Variants in SGCZ observed in about 807,000 individuals in gnomAD.
SGCZ encodes the protein sarcoglycan zeta, also known as zeta-sarcoglycan.
Under a neutral mutation model 41.3 loss-of-function variants are expected in SGCZ, and 40 were observed. The observed-to-expected ratio is 0.97, with a 90% CI of 0.75 to 1.26. SGCZ has a LOEUF of 1.26. SGCZ is among the 50% of genes most tolerant of loss of function. The pLI is 0.00. For synonymous variants in SGCZ, 206 were observed against 137.5 expected (o/e 1.50, Z -3.49); for missense variants, 552 against 369.8 (o/e 1.49, Z -4.04).
chr8:14,854,830 G>A (rs1338741022), intron 1 of SGCZ, among the ~76,000 whole-genome samples: 6 of 151,940 alleles, frequency 3.9e-5, no homozygotes, highest in South Asian at 4.2e-4. Flanking sequence ...AAACCCGGCA[G>A]AGAGTGGCCC....
intron 2 of SGCZ, among the ~76,000 whole-genome samples, chr8:14,341,361 A>G (rs932144019): frequency 6.6e-6 from 1 of 152,194 alleles, no homozygotes; most frequent in Non-Finnish European, 1.5e-5. Flanking sequence ...TATTTTCACA[A>G]TGCTTGTACC....
chr8:15,208,383 T>C (rs1801136902), intron 1 of SGCZ, among the ~76,000 whole-genome samples: 1 of 152,356 alleles, frequency 6.6e-6, no homozygotes, highest in Admixed American at 6.5e-5. Context: ...TAATCTGTTC[T>C]AATGACTCTT....
intron 4 of SGCZ, among the ~76,000 whole-genome samples, chr8:14,208,556 T>C (rs1334956539): frequency 2.6e-5 from 4 of 152,146 alleles, no homozygotes; most frequent in Non-Finnish European, 5.9e-5. Flanking sequence ...TCCTATCAAA[T>C]TGTCAAAGTG....
At chr8:15,065,716 G>A (rs59207607) in intron 1 of SGCZ, among the ~76,000 whole-genome samples, 1,770 of 152,072 alleles carry the variant, frequency 0.012, 27 homozygotes, top group African/African-American at 0.04. Flanking sequence ...TGGGATCACA[G>A]GTATACACAC....
In SGCZ at chr8:14,415,432, G is replaced by T. The variant is rs117473381; in HGVS notation, c.235-91228C>A. On this transcript the variant is annotated intron_variant, in intron 2 of 7. Coordinates refer to ENST00000382080, the MANE Select transcript of SGCZ (RefSeq NM_139167.4). ...ATGCTCCTACAAAAAGGGAATTAGT[G>T]TGAATGATGAATGCATATTTTAATA... 6.2e-3 allele frequency among the ~76,000 whole-genome samples: 940 copies of T among 151,984 alleles called. 8 individuals are homozygous for T. Among genetic ancestry groups the T allele is most frequent in the South Asian group, 0.037 (178 of 4,822 alleles).
intron 1 of SGCZ, among the ~76,000 whole-genome samples, chr8:14,601,056 G>C (rs1805575004): frequency 6.7e-6 from 1 of 149,378 alleles, no homozygotes; most frequent in Non-Finnish European, 1.5e-5. Context: ...TTTTATATAA[G>C]TATAAAATTA....
chr8:14,239,880 C>A (rs4567039), intron 3 of SGCZ, among the ~76,000 whole-genome samples: 77,915 of 115,044 alleles, frequency 0.68, 26,456 homozygotes, highest in South Asian at 0.79. Flanking sequence ...CCAGCCTGGG[C>A]GACAGAGCGA....
rs920327038 is a variant in SGCZ at position 14,932,845 on chromosome 8, A to G, written c.39+304740T>C. On this transcript the variant is annotated intron_variant, in intron 1 of 7. Transcript: ENST00000382080. Reference sequence around the variant, plus strand: ...TTGAACTAAAACAAGAAAAAATGTCAAAGTCCAAAAGTGTGATGTGAAAAC... The same window carrying G: ...TTGAACTAAAACAAGAAAAAATGTCGAAGTCCAAAAGTGTGATGTGAAAAC... Among the ~76,000 whole-genome samples, 12 of 152,086 alleles carry G rather than the reference A, an allele frequency of 7.9e-5. 1 individual carries two copies. The highest frequency in any genetic ancestry group is 2.7e-4 in the African/African-American group (11 of 41,340).
At chr8:14,850,776 A>G (rs1173597212) in intron 1 of SGCZ, among the ~76,000 whole-genome samples, 1 of 152,140 alleles carries the variant, frequency 6.6e-6, no homozygotes, top group Non-Finnish European at 1.5e-5. Flanking sequence ...TGTTCTCATG[A>G]TAGTGAGTGA....
chr8:14,158,454 G>A (rs1009860782), intron 5 of SGCZ, among the ~76,000 whole-genome samples: 3 of 152,050 alleles, frequency 2.0e-5, no homozygotes, highest in African/African-American at 7.2e-5. Context: ...CACCTAGATT[G>A]AGGGTTAGTC....
At chr8:14,112,680 C>A (rs1298367783) in intron 5 of SGCZ, among the ~76,000 whole-genome samples, 1 of 151,988 alleles carries the variant, frequency 6.6e-6, no homozygotes, top group Non-Finnish European at 1.5e-5. Context: ...GTTTTTAAAT[C>A]TTGGCCAAGT....
chr8:14,449,159 C>T (rs1800519285), intron 2 of SGCZ, among the ~76,000 whole-genome samples: 1 of 152,248 alleles, frequency 6.6e-6, no homozygotes, highest in Non-Finnish European at 1.5e-5. Flanking sequence ...ATGATTTTAC[C>T]AACCTTATCA....
At chr8:14,457,764 T>G (rs2116943107) in intron 2 of SGCZ, among the ~76,000 whole-genome samples, 1 of 152,334 alleles carries the variant, frequency 6.6e-6, no homozygotes, top group Non-Finnish European at 1.5e-5. Flanking sequence ...AGTGGACACG[T>G]GACCCACGTG....
chr8:14,649,082 T>C (rs1283312595), intron 1 of SGCZ, among the ~76,000 whole-genome samples: 1 of 152,142 alleles, frequency 6.6e-6, no homozygotes, highest in African/African-American at 2.4e-5. Flanking sequence ...ACTGACTGCG[T>C]GTTTTCAAAA....
intron 1 of SGCZ, among the ~76,000 whole-genome samples, chr8:14,984,701 T>G (rs1735214585): frequency 6.6e-6 from 1 of 152,180 alleles, no homozygotes; most frequent in African/African-American, 2.4e-5. Flanking sequence ...TAATGTAATA[T>G]GAAAAATTTG....
intron 2 of SGCZ, among the ~76,000 whole-genome samples, chr8:14,352,164 A>G (rs961846744): frequency 6.6e-6 from 1 of 152,096 alleles, no homozygotes; most frequent in African/African-American, 2.4e-5. Context: ...ATTTGAAGTA[A>G]AAGAGTTACA....
At chr8:15,220,474 G>T (rs1335433034) in intron 1 of SGCZ, among the ~76,000 whole-genome samples, 1 of 151,982 alleles carries the variant, frequency 6.6e-6, no homozygotes, top group East Asian at 1.9e-4. Context: ...TAACTGCTTG[G>T]GCAATTCTGA....
rs748248363 is a variant in SGCZ, at chr8:14,090,651, G to A, written c.745-14C>T. 2 of 1,604,466 alleles carry A rather than the reference G, an allele frequency of 1.2e-6. No individual in the cohort carries two copies. The highest frequency in any genetic ancestry group is 8.5e-7 in the Non-Finnish European group (1 of 1,176,350). On this transcript the variant is annotated splice_polypyrimidine_tract_variant and intron_variant, in intron 7 of 7. Coordinates refer to ENST00000382080, the MANE Select transcript of SGCZ (RefSeq NM_139167.4). Reference sequence around the variant, plus strand: ...ATTTAAAAATATCTATGGGAAAAAAGAAATTGCATTTTAATTCATTTTAGA... The same window carrying A: ...ATTTAAAAATATCTATGGGAAAAAAAAAATTGCATTTTAATTCATTTTAGA...
intron 1 of SGCZ, among the ~76,000 whole-genome samples, chr8:14,651,919 T>C (rs977063069): frequency 6.6e-6 from 1 of 151,876 alleles, no homozygotes; most frequent in African/African-American, 2.4e-5. Flanking sequence ...AAAGTATATC[T>C]TTGTGCTAAG....
Sources: gnomAD v4.1 joint callset for allele counts (sites outside exome capture counted in the v4.1 genomes callset) on GRCh38, gnomAD v4.1.1 for gene constraint, MANE v1.5 for transcripts, NCBI Gene and HGNC (gene_info 2026-07-23, HGNC 2026-07-21) for gene names.